TCF12: variants seen among roughly 807,000 people sequenced by gnomAD.
TCF12 encodes DNA-binding protein HTF4.
Under a neutral mutation model 86.0 loss-of-function variants are expected in TCF12, and 45 were observed. That is an observed-to-expected ratio of 0.52 (90% CI 0.41 to 0.67). The LOEUF (loss-of-function observed/expected upper bound fraction) is 0.67. TCF12 is among the 30% of genes least tolerant of loss of function. The probability of loss-of-function intolerance (pLI) is 0.00; values close to 1 mark genes in which losing one functional copy is unlikely to be tolerated. For synonymous variants in TCF12, 330 were observed against 299.6 expected (o/e 1.10, Z -1.05); for missense variants, 881 against 859.9 (o/e 1.02, Z -0.31).
At chr15:57,018,260 A>G (rs1228945267) in intron 3 of TCF12, among the ~76,000 whole-genome samples, 1 of 152,126 alleles carries the variant, frequency 6.6e-6, no homozygotes, top group Non-Finnish European at 1.5e-5. Context: ...GTTGTTAGGA[A>G]TTTTTGTTAG....
chr15:57,022,815 C>A (rs1268128070), intron 3 of TCF12, among the ~76,000 whole-genome samples: 1 of 152,068 alleles, frequency 6.6e-6, no homozygotes, highest in Non-Finnish European at 1.5e-5. Context: ...TCTCTGATGA[C>A]CAGTGATGAT....
chr15:56,970,479 C>CAAAAAAAAAAAAA (rs59118732), intron 3 of TCF12, among the ~76,000 whole-genome samples: 1 of 65,476 alleles, frequency 1.5e-5, no homozygotes, highest in Non-Finnish European at 2.7e-5. Flanking sequence ...GACTCCATCT[C>CAAAAAAAAAAAAA]AAAAAAAAAA....
At chr15:57,186,605 G>T (rs1340549325) in intron 6 of TCF12, among the ~76,000 whole-genome samples, 3 of 152,216 alleles carry the variant, frequency 2.0e-5, no homozygotes, top group African/African-American at 4.8e-5. Flanking sequence ...AATTAATTCT[G>T]TGAAGCCAGC....
At chr15:57,189,348 A>G (rs2056857374) in intron 6 of TCF12, among the ~76,000 whole-genome samples, 2 of 152,186 alleles carry the variant, frequency 1.3e-5, no homozygotes, top group Non-Finnish European at 1.5e-5. Flanking sequence ...TATATCTGAT[A>G]AGCCTAGTAT....
intron 3 of TCF12, among the ~76,000 whole-genome samples, chr15:57,058,988 A>G (rs1274612813): frequency 6.6e-6 from 1 of 152,232 alleles, no homozygotes; most frequent in African/African-American, 2.4e-5. Flanking sequence ...TAAAGACACT[A>G]TTAAAAATAG....
chr15:56,926,032 G>A (rs1314262711), intron 3 of TCF12, among the ~76,000 whole-genome samples: 1 of 152,156 alleles, frequency 6.6e-6, no homozygotes, highest in Non-Finnish European at 1.5e-5. Flanking sequence ...GAGACATTTC[G>A]TTGGCGTGGT....
intron 3 of TCF12, among the ~76,000 whole-genome samples, chr15:56,945,795 T>G (rs760488463): frequency 5.3e-5 from 8 of 152,196 alleles, no homozygotes; most frequent in Admixed American, 1.3e-4. Flanking sequence ...AAGAAGTGAT[T>G]AGGCTGTGAG....
At chr15:57,112,038 C>G (rs145362787) in intron 5 of TCF12, among the ~76,000 whole-genome samples, 1 of 152,306 alleles carries the variant, frequency 6.6e-6, no homozygotes, top group East Asian at 1.9e-4. Flanking sequence ...AGGAATATTT[C>G]TGGAGTGTAG....
At chr15:56,989,111 C>T (rs1454461827) in intron 3 of TCF12, among the ~76,000 whole-genome samples, 1 of 151,982 alleles carries the variant, frequency 6.6e-6, no homozygotes, top group Non-Finnish European at 1.5e-5. Context: ...TAGCTTTTTT[C>T]TCTGCATATA....
chr15:57,044,945 G>A (rs1280286275), intron 3 of TCF12, among the ~76,000 whole-genome samples: 2 of 152,096 alleles, frequency 1.3e-5, no homozygotes, highest in East Asian at 1.9e-4. Flanking sequence ...AGATAAACTT[G>A]GGGGTGTAAA....
chr15:57,252,441 A>G lies in TCF12; in HGVS notation c.1209A>G (p.Gln403=). The G allele has an allele frequency of 6.2e-7, 1 of 1,613,992 alleles. No homozygotes were observed. Among genetic ancestry groups the G allele is most frequent in the Non-Finnish European group, 8.5e-7 (1 of 1,179,922 alleles). ...LHSLKNRVEQ[Q]LHEHLQDAMS... The stretch of plus-strand genomic sequence containing the variant: ...GCCAGAAAAATCGAGTTGAGCAGCA[A>G]CTTCACGAGCATTTGCAAGATGCAA... Residue 403 remains glutamine, a synonymous_variant, in exon 15 of 21, where the codon CAA becomes CAG. Transcript: ENST00000333725.
intron 6 of TCF12, among the ~76,000 whole-genome samples, chr15:57,184,330 C>T (rs2056539786): frequency 6.6e-6 from 1 of 152,142 alleles, no homozygotes; most frequent in South Asian, 2.1e-4. Flanking sequence ...AACAGACCCA[C>T]TTTCTCCTCT....
At chr15:57,251,882 T>C (rs1444672847) in intron 14 of TCF12, among the ~76,000 whole-genome samples, 2 of 152,224 alleles carry the variant, frequency 1.3e-5, no homozygotes, top group Non-Finnish European at 1.5e-5. Flanking sequence ...GTCATGAAAG[T>C]ATTATTTCCC....
At chr15:56,986,856 A>G (rs1204372872) in intron 3 of TCF12, among the ~76,000 whole-genome samples, 1 of 152,216 alleles carries the variant, frequency 6.6e-6, no homozygotes, top group Admixed American at 6.5e-5. Context: ...AAAATTAGTT[A>G]CATGTAATAC....
intron 20 of TCF12, among the ~76,000 whole-genome samples, chr15:57,285,307 A>C (rs1282678142): frequency 1.3e-5 from 2 of 152,356 alleles, no homozygotes; most frequent in African/African-American, 4.8e-5. Flanking sequence ...GTTATTGTTT[A>C]ATAAGGAAGT....
chr15:56,989,099 C>G lies in TCF12; in HGVS notation c.148+68001C>G, dbSNP rs116343281. Among the ~76,000 whole-genome samples the G allele has an allele frequency of 8.2e-3, 1,254 of 152,126 alleles. 13 individuals are homozygous for G. Among genetic ancestry groups the G allele is most frequent in the African/African-American group, 0.029 (1,216 of 41,530 alleles). On this transcript the variant is annotated intron_variant, in intron 3 of 20. Transcript: ENST00000333725. ...TTTATTGACATTTTGATGTTGATTTCCTAGCTTTTTTCTCTGCATATATTA... is the reference window on the plus strand; with the variant it reads ...TTTATTGACATTTTGATGTTGATTTGCTAGCTTTTTTCTCTGCATATATTA...
intron 1 of TCF12, chr15:56,919,135 C>G (rs1225095161): frequency 6.6e-6 from 1 of 151,582 alleles, no homozygotes; most frequent in Admixed American, 6.6e-5. Context: ...CCTGTGCGCC[C>G]CGTTCGGTGC....
intron 3 of TCF12, among the ~76,000 whole-genome samples, chr15:57,017,993 G>A (rs1402722812): frequency 6.6e-6 from 1 of 152,134 alleles, no homozygotes; most frequent in African/African-American, 2.4e-5. Flanking sequence ...CACCCAGTGA[G>A]GGTTGAGGTG....
intron 3 of TCF12, among the ~76,000 whole-genome samples, chr15:56,955,430 A>G (rs1390513820): frequency 6.6e-6 from 1 of 152,182 alleles, no homozygotes; most frequent in Non-Finnish European, 1.5e-5. Flanking sequence ...GAGGGATAGC[A>G]TTAGGAGAAA....
Sources: allele counts gnomAD v4.1 joint callset (sites outside exome capture counted in the v4.1 genomes callset), GRCh38; gene constraint gnomAD v4.1.1; transcripts MANE v1.5; gene names NCBI Gene and HGNC (gene_info 2026-07-23, HGNC 2026-07-21).